PDE4D: variants seen among roughly 807,000 people sequenced by gnomAD.
PDE4D encodes phosphodiesterase 4D.
A neutral mutation model predicts 87.4 loss-of-function variants in PDE4D; 24 were observed. The observed-to-expected ratio is 0.27, with a 90% CI of 0.20 to 0.39. The LOEUF (loss-of-function observed/expected upper bound fraction) is 0.39, where lower values mean the gene tolerates loss of function less well. PDE4D is among the 10% of genes least tolerant of loss of function. The pLI is 1.00. For synonymous variants in PDE4D, 384 were observed against 383.2 expected, an observed-to-expected ratio of 1.00 and a Z score of -0.02; for missense variants, 714 against 1,041.0, an observed-to-expected ratio of 0.69 and a Z score of 4.32.
chr5:59,023,178 GAA>G (rs746740485), intron 6 of PDE4D, among the ~76,000 whole-genome samples: 4 of 136,426 alleles, frequency 2.9e-5, no homozygotes, highest in African/African-American at 2.7e-5. Flanking sequence ...CTAACTCAAG[GAA>G]AAAAAAAAAA....
At chr5:58,983,030 G>A (rs762536216) in intron 11 of PDE4D, among the ~76,000 whole-genome samples, 5 of 152,246 alleles carry the variant, frequency 3.3e-5, no homozygotes, top group South Asian at 2.1e-4. Flanking sequence ...CATTGGCTAC[G>A]GCCCATGAAC....
At chr5:60,034,653 C>T (rs78726098) in intron 2 of PDE4D, among the ~76,000 whole-genome samples, 278 of 152,152 alleles carry the variant, frequency 1.8e-3, no homozygotes, top group African/African-American at 6.3e-3. Context: ...ATGGAAATTA[C>T]GACTTGGATA....
chr5:60,185,454 C>A, intron 2 of PDE4D: 1 of 651,874 alleles, frequency 1.5e-6, no homozygotes, highest in Non-Finnish European at 2.7e-6. Context: ...TAAACGTTTC[C>A]CACAAGCCTA....
chr5:59,131,604 ACACACACAC>A (rs1776283986), intron 5 of PDE4D, among the ~76,000 whole-genome samples: 1 of 77,910 alleles, frequency 1.3e-5, no homozygotes, highest in Non-Finnish European at 3.0e-5. Context: ...TAAAACACAC[ACACACACAC>A]ACACACACAC....
At chr5:60,313,555 T>G (rs1216381249) in intron 1 of PDE4D, among the ~76,000 whole-genome samples, 2 of 152,086 alleles carry the variant, frequency 1.3e-5, no homozygotes, top group Non-Finnish European at 2.9e-5. Flanking sequence ...AAAAACTGAC[T>G]AGGAGGGACT....
chr5:59,079,897 G>C (rs1166352222), intron 5 of PDE4D, among the ~76,000 whole-genome samples: 2 of 149,980 alleles, frequency 1.3e-5, no homozygotes, highest in South Asian at 2.2e-4. Flanking sequence ...GGAATGGGCA[G>C]GGGCAGGGGC....
At chr5:59,912,606 C>G (rs1469803168) in intron 3 of PDE4D, among the ~76,000 whole-genome samples, 1 of 152,094 alleles carries the variant, frequency 6.6e-6, no homozygotes, top group Non-Finnish European at 1.5e-5. Flanking sequence ...GGTGGAAAGT[C>G]TGTATTTGTT....
chr5:59,842,095 T>C (rs1324856092), intron 1 of PDE4D, among the ~76,000 whole-genome samples: 2 of 152,032 alleles, frequency 1.3e-5, no homozygotes, highest in Non-Finnish European at 2.9e-5. Context: ...TTCAGAGTGA[T>C]CACCCTGGTT....
intron 2 of PDE4D, among the ~76,000 whole-genome samples, chr5:59,196,158 G>C (rs919525576): frequency 6.6e-6 from 1 of 152,158 alleles, no homozygotes; most frequent in East Asian, 1.9e-4. Context: ...CACAGCAAGT[G>C]TATTTTATAT....
intron 1 of PDE4D, among the ~76,000 whole-genome samples, chr5:59,530,709 G>A (rs1038662841): frequency 2.0e-5 from 3 of 152,012 alleles, no homozygotes; most frequent in Non-Finnish European, 2.9e-5. Flanking sequence ...CAAAATTGAT[G>A]GTGAATTTCA....
chr5:59,926,255 T>C (rs1846970), intron 3 of PDE4D, among the ~76,000 whole-genome samples: 104,592 of 151,996 alleles, frequency 0.69, 37,801 homozygotes, highest in African/African-American at 0.92. Flanking sequence ...AATATGCTCC[T>C]GAATGAGCAG....
intron 1 of PDE4D, among the ~76,000 whole-genome samples, chr5:60,266,752 A>G (rs34072532): frequency 0.13 from 19,660 of 152,230 alleles, 1,426 homozygotes; most frequent in African/African-American, 0.19. Flanking sequence ...GAAGACACCC[A>G]AGTTATACCC....
At chr5:60,477,761 A>G (rs897933100) in intron 1 of PDE4D, among the ~76,000 whole-genome samples, 1 of 152,166 alleles carries the variant, frequency 6.6e-6, no homozygotes, top group African/African-American at 2.4e-5. Context: ...GGACTTGCCC[A>G]TGCTTCGACC....
At chr5:59,363,327 T>A (rs1782520971) in intron 1 of PDE4D, among the ~76,000 whole-genome samples, 1 of 152,182 alleles carries the variant, frequency 6.6e-6, no homozygotes, top group African/African-American at 2.4e-5. Context: ...TTATTTTTAT[T>A]CTGTATCACC....
intron 1 of PDE4D, among the ~76,000 whole-genome samples, chr5:59,299,981 C>T (rs1769873041): frequency 6.6e-6 from 1 of 151,632 alleles, no homozygotes; most frequent in Admixed American, 6.6e-5. Flanking sequence ...GCGTGGTGTC[C>T]CGTGCCTGTA....
intron 3 of PDE4D, among the ~76,000 whole-genome samples, chr5:59,931,157 A>G (rs998131187): frequency 1.3e-5 from 2 of 152,354 alleles, no homozygotes; most frequent in East Asian, 1.9e-4. Context: ...AGAACTGTAC[A>G]AACTATTTAT....
At chr5:60,212,315 A>C (rs930897730) in intron 1 of PDE4D, among the ~76,000 whole-genome samples, 5 of 152,056 alleles carry the variant, frequency 3.3e-5, no homozygotes, top group East Asian at 1.9e-4. Flanking sequence ...TCATGGAAAA[A>C]TCCTTTCCAT....
intron 1 of PDE4D, among the ~76,000 whole-genome samples, chr5:59,537,171 G>C (rs988330173): frequency 1.3e-5 from 2 of 152,192 alleles, no homozygotes; most frequent in African/African-American, 4.8e-5. Flanking sequence ...CCTGGACTAG[G>C]ATAAAGAGCA....
At chr5:60,214,101 G>C (rs890079560) in intron 1 of PDE4D, among the ~76,000 whole-genome samples, 20 of 152,106 alleles carry the variant, frequency 1.3e-4, no homozygotes, top group African/African-American at 4.3e-4. Flanking sequence ...ATCTCCTTGA[G>C]AGAGATGCTA....
Sources: gnomAD v4.1 joint callset for allele counts (sites outside exome capture counted in the v4.1 genomes callset) on GRCh38, gnomAD v4.1.1 for gene constraint, MANE v1.5 for transcripts, NCBI Gene and HGNC (gene_info 2026-07-23, HGNC 2026-07-21) for gene names.